The following BTC variants were observed in gnomAD, a reference collection of about 807,000 sequenced individuals.
BTC encodes the protein betacellulin.
Under a neutral mutation model 18.1 loss-of-function variants are expected in BTC, and 13 were observed. The observed-to-expected ratio is 0.72, with a 90% confidence interval of 0.47 to 1.14. The LOEUF (loss-of-function observed/expected upper bound fraction) is 1.14. BTC is among the 50% of genes most tolerant of loss of function. The pLI is 0.00. For missense variants in BTC, 247 were observed against 224.2 expected (o/e 1.10, Z -0.65); for synonymous variants, 83 against 79.4 (o/e 1.05, Z -0.24).
rs1553955640 is a variant in BTC at position 74,748,064 on chromosome 4, T to C, written c.514A>G (p.Ile172Val). The C allele has an allele frequency of 1.9e-6, 3 of 1,598,980 alleles. No individual in the cohort carries two copies. The South Asian group carries it at 3.3e-5, about 18-fold the overall frequency. ...GKDITPINED[I>V]EETNIA ...CTTTAAGCAATATTTGTCTCTTCAA[T>C]ATCTTCATTGATAGGAGTTATATCT... Residue 172 changes from isoleucine (I) to valine (V), a missense_variant, in exon 5 of 6, where the codon ATT (isoleucine) becomes GTT (valine). By Grantham distance (29) the Ile-to-Val change is conservative. Transcript: ENST00000395743.
chr4:74,760,020 G>T (rs1196841138), intron 2 of BTC, among the ~76,000 whole-genome samples: 13 of 152,304 alleles, frequency 8.5e-5, no homozygotes, highest in African/African-American at 3.1e-4. Flanking sequence ...GAGTAGATCC[G>T]TTAGGTGTAT....
Position 74,794,382 on chromosome 4 carries a change from C to T in BTC, c.-57G>A. On this transcript the variant is annotated 5_prime_UTR_variant, in exon 1 of 6. Coordinates refer to ENST00000395743, the MANE Select transcript of BTC (RefSeq NM_001729.4). ...AGACAAGTCTCCCTCCTTCTTCGCC[C>T]CCTTCCCGGGCCTCGGGCGCCTGAG... is the stretch of plus-strand genomic sequence containing the variant. 6.8e-7 allele frequency: 1 copy of T among 1,461,734 alleles called. No individual in the cohort carries two copies. Among genetic ancestry groups the T allele is most frequent in the Non-Finnish European group, 9.0e-7 (1 of 1,107,034 alleles). The allele number at this position is 1,461,734 out of a possible 1,614,324, so 90.5% of individuals were successfully genotyped here.
At chr4:74,793,924 C>T (rs1301353313) in intron 1 of BTC, among the ~76,000 whole-genome samples, 2 of 151,560 alleles carry the variant, frequency 1.3e-5, no homozygotes, top group Admixed American at 1.3e-4. Flanking sequence ...CGCCTCACCC[C>T]GGTGGACAGC....
chr4:74,784,635 G>C (rs1725431136), intron 1 of BTC, among the ~76,000 whole-genome samples: 1 of 152,140 alleles, frequency 6.6e-6, no homozygotes, highest in African/African-American at 2.4e-5. Flanking sequence ...TTAACACGAA[G>C]GGATGTTGAA....
intron 1 of BTC, among the ~76,000 whole-genome samples, chr4:74,777,334 A>C (rs1374150711): frequency 6.6e-6 from 1 of 152,296 alleles, no homozygotes; most frequent in Non-Finnish European, 1.5e-5. Flanking sequence ...TGCCTTGCAC[A>C]GGGTAAGCGC....
intron 1 of BTC, among the ~76,000 whole-genome samples, chr4:74,776,747 C>T (rs1404330890): frequency 1.3e-5 from 2 of 152,082 alleles, no homozygotes; most frequent in African/African-American, 4.8e-5. Flanking sequence ...CAGTCATGTG[C>T]GTTGTATTTG....
intron 1 of BTC, among the ~76,000 whole-genome samples, chr4:74,793,125 C>A (rs1725678067): frequency 6.6e-6 from 1 of 152,200 alleles, no homozygotes; most frequent in Non-Finnish European, 1.5e-5. Context: ...TAAGTCTCAA[C>A]CCCATTGCTC....
chr4:74,748,335 T>A (rs1188275332), intron 4 of BTC, among the ~76,000 whole-genome samples, 186 bp from the exon 5 acceptor site: 1 of 151,928 alleles, frequency 6.6e-6, no homozygotes, highest in African/African-American at 2.4e-5. Context: ...GATCACAAGG[T>A]CAGGAGATTG....
rs1360605748 is a variant in BTC at position 74,745,937 on chromosome 4, A to G, written c.*740T>C. ...GAGCAAAGAAACATAATAAAAGCCA[A>G]TTCTATAGAAAGCATGATGGTAACA... is the stretch of plus-strand genomic sequence containing the variant. On this transcript the variant is annotated 3_prime_UTR_variant, in exon 6 of 6. Transcript: ENST00000395743. The G allele has an allele frequency of 3.3e-5, 5 of 152,204 alleles. No individual in the cohort carries two copies. The highest frequency in any genetic ancestry group is 5.9e-5 in the Non-Finnish European group (4 of 68,030). 9.4% of individuals were successfully genotyped at this position (152,204 alleles called of 1,614,324 possible).
At chr4:74,758,817 A>G (rs1172164691) in intron 2 of BTC, among the ~76,000 whole-genome samples, 3 of 152,166 alleles carry the variant, frequency 2.0e-5, no homozygotes, top group Non-Finnish European at 4.4e-5. Context: ...ATGCTCTTAA[A>G]TATTCCCAGC....
At chr4:74,773,709 T>G in intron 1 of BTC, among the ~76,000 whole-genome samples, 1 of 151,958 alleles carries the variant, frequency 6.6e-6, no homozygotes, top group Admixed American at 6.6e-5. Context: ...CCTCCTGGGT[T>G]CAAGCAATTC....
chr4:74,777,407 A>T (rs1214065882), intron 1 of BTC, among the ~76,000 whole-genome samples: 1 of 152,196 alleles, frequency 6.6e-6, no homozygotes, highest in Non-Finnish European at 1.5e-5. Context: ...TTACCCTGGT[A>T]AAAAACTAGA....
chr4:74,787,680 G>T (rs1037904924), intron 1 of BTC, among the ~76,000 whole-genome samples: 1 of 152,162 alleles, frequency 6.6e-6, no homozygotes, highest in Non-Finnish European at 1.5e-5. Context: ...GATAGGGTAG[G>T]GTTGAAAGCA....
At chr4:74,755,830 T>G in intron 3 of BTC, 29 bp downstream of exon 3, 1 of 1,603,422 alleles carries the variant, frequency 6.2e-7, no homozygotes. Flanking sequence ...TGCACCCTTT[T>G]GCTTGCTGGC....
rs3087019 is a variant in BTC at position 74,791,969 on chromosome 4, T to TCACACACACACA, written c.64+2281_64+2292dup. On this transcript the variant is annotated intron_variant, in intron 1 of 5. Coordinates refer to ENST00000395743, the MANE Select transcript of BTC (RefSeq NM_001729.4). ...CCACTCTCATCGCATTTCCACCATC[T>TCACACACACACA]CACACACACACACACACACACACAC... Among the ~76,000 whole-genome samples the TCACACACACACA allele has an allele frequency of 7.4e-5, 10 of 134,242 alleles. No homozygotes were observed. In the South Asian group the frequency reaches 7.5e-4, roughly 10 times the overall value. The allele number at this position is 134,242 out of a possible 152,430, so 88.1% of individuals were successfully genotyped here. A position where few individuals can be genotyped will look rare whatever the true frequency, so the allele number is the denominator to read the frequency against.
At chr4:74,767,151 T>C (rs1724922226) in intron 2 of BTC, among the ~76,000 whole-genome samples, 1 of 151,022 alleles carries the variant, frequency 6.6e-6, no homozygotes, top group South Asian at 2.1e-4. Flanking sequence ...GAAGATGACA[T>C]GATCCTATAC....
chr4:74,758,928 C>T (rs1724676086), intron 2 of BTC, among the ~76,000 whole-genome samples: 1 of 152,144 alleles, frequency 6.6e-6, no homozygotes, highest in Non-Finnish European at 1.5e-5. Flanking sequence ...ATCACACATA[C>T]TGCCACACAT....
intron 2 of BTC, among the ~76,000 whole-genome samples, chr4:74,762,476 T>A (rs1724786673): frequency 1.3e-5 from 2 of 152,158 alleles, no homozygotes; most frequent in Non-Finnish European, 1.5e-5. Context: ...AGGAGATAAA[T>A]AGATGATGGA....
intron 1 of BTC, among the ~76,000 whole-genome samples, chr4:74,771,449 G>A (rs1725036629): frequency 6.6e-6 from 1 of 152,142 alleles, no homozygotes; most frequent in South Asian, 2.1e-4. Flanking sequence ...TGAACATACA[G>A]GAACACACAG....
Sources: allele counts gnomAD v4.1 joint callset (sites outside exome capture counted in the v4.1 genomes callset), GRCh38; gene constraint gnomAD v4.1.1; transcripts MANE v1.5; gene names NCBI Gene and HGNC (gene_info 2026-07-23, HGNC 2026-07-21).